MUSK: variants seen among roughly 807,000 people sequenced by gnomAD.
MUSK encodes muscle, skeletal receptor tyrosine-protein kinase.
Under a neutral mutation model 88.7 loss-of-function variants are expected in MUSK, and 55 were observed. That is an observed-to-expected ratio of 0.62 (90% CI 0.50 to 0.78). The LOEUF is 0.78. Among genes scored for constraint, MUSK ranks in the 30% least tolerant of loss-of-function variants. The probability of loss-of-function intolerance (pLI) is 0.00; values close to 1 mark genes in which losing one functional copy is unlikely to be tolerated. For missense variants in MUSK, 1,015 were observed against 1,074.3 expected (o/e 0.94, Z 0.77); for synonymous variants, 387 against 391.9 (o/e 0.99, Z 0.15).
At chr9:110,689,963 T>TA (rs2076294499) in intron 3 of MUSK, among the ~76,000 whole-genome samples, 1 of 64,896 alleles carries the variant, frequency 1.5e-5, no homozygotes, top group Non-Finnish European at 2.8e-5. Context: ...TAAATATATA[T>TA]TTATATATTA....
At chr9:110,715,128 C>A (rs76431983) in intron 5 of MUSK, among the ~76,000 whole-genome samples, 1 of 149,544 alleles carries the variant, frequency 6.7e-6, no homozygotes, top group East Asian at 1.9e-4. Context: ...CTTTGAAGTC[C>A]GCTAAAGGAA....
intron 3 of MUSK, among the ~76,000 whole-genome samples, chr9:110,689,867 A>T (rs868273458): frequency 2.0e-4 from 13 of 64,676 alleles, no homozygotes; most frequent in South Asian, 5.3e-4. Flanking sequence ...TATATATTTA[A>T]ATATAAATAT....
chr9:110,702,918 C>T (rs186186719), intron 5 of MUSK, among the ~76,000 whole-genome samples: 191 of 151,506 alleles, frequency 1.3e-3, no homozygotes, highest in African/African-American at 4.5e-3. Flanking sequence ...TAATAAAAAA[C>T]CTACATACAC....
intron 5 of MUSK, among the ~76,000 whole-genome samples, chr9:110,698,255 A>C (rs2076458809): frequency 1.3e-5 from 2 of 152,166 alleles, no homozygotes; most frequent in South Asian, 4.1e-4. Context: ...TCACCTGTTA[A>C]GTGGGGTTTG....
intron 4 of MUSK, 118 bp from the exon 5 acceptor site, chr9:110,697,207 G>T (rs1223752644): frequency 1.8e-6 from 2 of 1,091,260 alleles, no homozygotes; most frequent in Non-Finnish European, 2.7e-6. Flanking sequence ...GGCCAATAAA[G>T]GTCAAAGCGA....
intron 2 of MUSK, among the ~76,000 whole-genome samples, chr9:110,686,389 T>C (rs540103657): frequency 1.6e-4 from 25 of 152,230 alleles, no homozygotes; most frequent in Admixed American, 9.2e-4. Flanking sequence ...TTTTGGTGAT[T>C]AAAACAAGAA....
At chr9:110,785,136 CT>C in intron 12 of MUSK, 120 bp downstream of exon 12, 1 of 916,852 alleles carries the variant, frequency 1.1e-6, no homozygotes, top group South Asian at 1.8e-5. Context: ...ATCCGTAGCC[CT>C]GCTTTAAAAT....
intron 5 of MUSK, among the ~76,000 whole-genome samples, chr9:110,703,777 C>G (rs1373082067): frequency 6.6e-6 from 1 of 151,874 alleles, no homozygotes; most frequent in Non-Finnish European, 1.5e-5. Flanking sequence ...AGATACATTA[C>G]AGAAAGAGAA....
chr9:110,773,331 G>C (rs2077610407), intron 9 of MUSK, among the ~76,000 whole-genome samples: 1 of 152,052 alleles, frequency 6.6e-6, no homozygotes. Context: ...TAGCATAATT[G>C]TACTGAATCT....
intron 8 of MUSK, among the ~76,000 whole-genome samples, chr9:110,764,776 C>T (rs2077453423): frequency 6.6e-6 from 1 of 152,086 alleles, no homozygotes; most frequent in African/African-American, 2.4e-5. Context: ...TAATCATATA[C>T]TTTGTATGTG....
At chr9:110,724,493 G>A (rs755510338) in intron 5 of MUSK, among the ~76,000 whole-genome samples, 10 of 151,892 alleles carry the variant, frequency 6.6e-5, no homozygotes, top group African/African-American at 1.5e-4. Flanking sequence ...TCACTAAACC[G>A]TCAAAAGCAT....
chr9:110,770,022 A>G (rs985290194), intron 9 of MUSK, among the ~76,000 whole-genome samples: 18 of 152,062 alleles, frequency 1.2e-4, no homozygotes, highest in Non-Finnish European at 2.6e-4. Context: ...GTTGGTCACT[A>G]CTGAGGTGTG....
At chr9:110,769,014 TGTTA>T (rs564066937) in intron 9 of MUSK, among the ~76,000 whole-genome samples, 76 of 152,330 alleles carry the variant, frequency 5.0e-4, no homozygotes, top group Middle Eastern at 3.4e-3. Flanking sequence ...GTTCAAATAC[TGTTA>T]GTTCTGCTTT....
chr9:110,797,132 T>A (rs372968709), intron 14 of MUSK, among the ~76,000 whole-genome samples: 5,308 of 16,064 alleles, frequency 0.33, 538 homozygotes, highest in Middle Eastern at 0.5. Context: ...AATAAAAAAA[T>A]AAAAAATAAA....
chr9:110,673,897 AT>A (rs1289771389), intron 1 of MUSK, among the ~76,000 whole-genome samples: 5 of 152,010 alleles, frequency 3.3e-5, no homozygotes, highest in Non-Finnish European at 5.9e-5. Flanking sequence ...ATTTTCTTCC[AT>A]TTTTTTCTAC....
chr9:110,680,383 C>CTTTTTTT (rs11461650), intron 1 of MUSK, among the ~76,000 whole-genome samples: 4 of 141,630 alleles, frequency 2.8e-5, no homozygotes, highest in Non-Finnish European at 3.0e-5. Context: ...TTCTTTTTTT[C>CTTTTTTT]TTTTTTTTTT....
rs192659747 is a variant in MUSK at position 110,708,129 on chromosome 9, T to C, written c.628+10663T>C. 7.3e-4 allele frequency among the ~76,000 whole-genome samples: 110 copies of C among 151,676 alleles called. 1 individual carries two copies. Among genetic ancestry groups the C allele is most frequent in the African/African-American group, 2.4e-3 (99 of 41,168 alleles). On this transcript the variant is annotated intron_variant, in intron 5 of 14. Coordinates refer to ENST00000374448, the MANE Select transcript of MUSK (RefSeq NM_005592.4). The stretch of plus-strand genomic sequence containing the variant: ...CTATCTATCTATCTATCTATCTATC[T>C]ATCTATCTATCATGTCACAGAAGCA...
chr9:110,685,339 T>C (rs746717214), intron 2 of MUSK, among the ~76,000 whole-genome samples: 1 of 152,170 alleles, frequency 6.6e-6, no homozygotes, highest in African/African-American at 2.4e-5. Context: ...ATCTTTCTAA[T>C]GTATTGTTGA....
At chr9:110,678,582 G>C (rs2076061082) in intron 1 of MUSK, among the ~76,000 whole-genome samples, 1 of 151,944 alleles carries the variant, frequency 6.6e-6, no homozygotes, top group South Asian at 2.1e-4. Flanking sequence ...GAGTATTGTT[G>C]ATGATTTTAC....
Sources: gnomAD v4.1 joint callset for allele counts (sites outside exome capture counted in the v4.1 genomes callset) on GRCh38, gnomAD v4.1.1 for gene constraint, MANE v1.5 for transcripts, NCBI Gene and HGNC (gene_info 2026-07-23, HGNC 2026-07-21) for gene names.